Variants in NGLY1 observed in about 807,000 individuals in gnomAD.
NGLY1 encodes the protein peptide-N(4)-(N-acetyl-beta-glucosaminyl)asparagine amidase.
NGLY1 carries 68 observed loss-of-function variants against 84.6 expected under a neutral mutation model. That is an observed-to-expected ratio of 0.80 (90% confidence interval 0.66 to 0.98). NGLY1 has a LOEUF of 0.98. Among genes scored for constraint, NGLY1 ranks in the 50% least tolerant of loss-of-function variants. The pLI is 0.00. For synonymous variants in NGLY1, 280 were observed against 275.2 expected (o/e 1.02, Z -0.17); for missense variants, 779 against 770.2 (o/e 1.01, Z -0.14).
chr3:25,761,982 T>C (rs1339472991), intron 3 of NGLY1, among the ~76,000 whole-genome samples: 3 of 152,276 alleles, frequency 2.0e-5, no homozygotes, highest in East Asian at 3.9e-4. Context: ...TAACATAAAA[T>C]GTCCAGAAAA....
At position 25,721,559 on chromosome 3, in the gene NGLY1, C is replaced by G. The variant is rs187588632; in HGVS notation, c.1612-1368G>C. On this transcript the variant is annotated intron_variant, in intron 10 of 11. Transcript: ENST00000280700. ...ACGAGGTCAGGAGATCGAAACCATC[C>G]TAACACAGTGAAACCCTGCCTCTAC... Among the ~76,000 whole-genome samples the G allele has an allele frequency of 2.1e-3, 315 of 150,992 alleles. 2 individuals carry two copies. The highest frequency in any genetic ancestry group is 7.2e-3 in the African/African-American group (297 of 41,154).
chr3:25,734,099 C>G (rs1307417583), intron 7 of NGLY1, 117 bp from the exon 8 acceptor site: 2 of 1,398,450 alleles, frequency 1.4e-6, no homozygotes, highest in Non-Finnish European at 1.9e-6. Context: ...CGAAGTCTCG[C>G]TCTGTTGTCC....
chr3:25,736,178 G>A, intron 6 of NGLY1, 29 bp from the exon 7 acceptor site: 2 of 1,601,526 alleles, frequency 1.2e-6, no homozygotes, highest in Non-Finnish European at 8.5e-7. Flanking sequence ...AGAGAGCAAT[G>A]GAAAAAAGAC....
chr3:25,789,809 G>C, intron 1 of NGLY1: 1 of 1,535,988 alleles, frequency 6.5e-7, no homozygotes, highest in South Asian at 1.2e-5. Context: ...GGGAATATTT[G>C]GGCATTATCA....
chr3:25,757,544 G>GA (rs1707104522), intron 3 of NGLY1, among the ~76,000 whole-genome samples: 1 of 151,976 alleles, frequency 6.6e-6, no homozygotes, highest in African/African-American at 2.4e-5. Flanking sequence ...GAGCTTAAAA[G>GA]AAAAAAGACT....
At chr3:25,722,574 T>C (rs1000107184) in intron 10 of NGLY1, among the ~76,000 whole-genome samples, 15 of 152,206 alleles carry the variant, frequency 9.9e-5, no homozygotes, top group Non-Finnish European at 1.5e-4. Flanking sequence ...ATGTAACAAC[T>C]GAACAATCAC....
At chr3:25,726,033 CTGAA>C (rs2125453863) in intron 10 of NGLY1, among the ~76,000 whole-genome samples, 1 of 152,290 alleles carries the variant, frequency 6.6e-6, no homozygotes, top group African/African-American at 2.4e-5. Flanking sequence ...TTGCTGAGTG[CTGAA>C]TGAATTCTTG....
Position 25,772,100 on chromosome 3 carries a change from T to C in NGLY1, c.246+6474A>G, listed in dbSNP as rs188639337. On this transcript the variant is annotated intron_variant, in intron 2 of 11. Transcript: ENST00000280700. The stretch of plus-strand genomic sequence containing the variant: ...AGTGGTGAAAGTGGGCATCCTTGTC[T>C]TGTTCTGGTTCTTGGGGGAATGCTT... Among the ~76,000 whole-genome samples, 896 of 152,328 alleles carry C rather than the reference T, an allele frequency of 5.9e-3. 7 individuals carry two copies. The highest frequency in any genetic ancestry group is 9.8e-3 in the Non-Finnish European group (664 of 68,040).
chr3:25,730,667 C>T (rs754110486), intron 9 of NGLY1: 2 of 152,150 alleles, frequency 1.3e-5, no homozygotes, highest in Middle Eastern at 3.4e-3. Context: ...TATGGCTGAA[C>T]CAACACTTTT....
At chr3:25,742,313 T>A (rs905166841) in intron 4 of NGLY1, among the ~76,000 whole-genome samples, 3 of 152,154 alleles carry the variant, frequency 2.0e-5, no homozygotes, top group African/African-American at 7.2e-5. Context: ...GGAAACAACC[T>A]CTATGTCCAT....
rs1412126552 is a variant in NGLY1, at chr3:25,733,470, T to C, written c.1260+402A>G. ...TCAGAAATTTCCTCACATGGACGTG[T>C]GTGTGTGTGTGTGTGTGTGTGTGTG... On this transcript the variant is annotated intron_variant, in intron 8 of 11. Coordinates refer to ENST00000280700, the MANE Select transcript of NGLY1 (RefSeq NM_018297.4). Among the ~76,000 whole-genome samples the C allele has an allele frequency of 2.3e-3, 71 of 30,514 alleles. 1 individual carries two copies. The highest frequency in any genetic ancestry group is 6.9e-3 in the African/African-American group (64 of 9,228). 20.0% of individuals were successfully genotyped at this position (30,514 alleles called of 152,430 possible).
rs1708503573 is a variant in NGLY1 at position 25,783,243 on chromosome 3, ACCCCGT to A, written c.131+11_131+16del. The A allele has an allele frequency of 6.5e-7, 1 of 1,543,030 alleles. No homozygotes were observed. The highest frequency in any genetic ancestry group is 8.9e-7 in the Non-Finnish European group (1 of 1,122,922). On this transcript the variant is annotated intron_variant, in intron 1 of 11. Coordinates refer to ENST00000280700, the MANE Select transcript of NGLY1 (RefSeq NM_018297.4). The surrounding 1 kb of genome is among the most constrained non-coding windows in gnomAD (Gnocchi z 4.5). ...CACCCACCCCGGTACCCGCCGTCCG[ACCCCGT>A]TGCCCTGCACCTGAGGATGTTGTCA...
At chr3:25,722,274 C>CATATAT (rs1553650650) in intron 10 of NGLY1, among the ~76,000 whole-genome samples, 3,084 of 148,588 alleles carry the variant, frequency 0.021, 48 homozygotes, top group Non-Finnish European at 0.026. Context: ...TGTATACACA[C>CATATAT]ATATATATAT....
chr3:25,730,325 C>G (rs912336967), intron 9 of NGLY1: 1 of 151,974 alleles, frequency 6.6e-6, no homozygotes, highest in Non-Finnish European at 1.5e-5. Context: ...AAACAAACAT[C>G]CATTTCTAAA....
intron 9 of NGLY1, 40 bp downstream of exon 9, chr3:25,732,278 AG>A: frequency 6.3e-7 from 1 of 1,594,892 alleles, no homozygotes; most frequent in Non-Finnish European, 8.6e-7. Context: ...TATATGAAGC[AG>A]GAAAGTAAAA....
At chr3:25,744,351 C>T (rs1187837895) in intron 4 of NGLY1, among the ~76,000 whole-genome samples, 1 of 152,170 alleles carries the variant, frequency 6.6e-6, no homozygotes, top group Non-Finnish European at 1.5e-5. Flanking sequence ...GTCTACCAGG[C>T]CAAAGCTATC....
chr3:25,768,320 G>C (rs1254080479), intron 2 of NGLY1, among the ~76,000 whole-genome samples: 5 of 151,468 alleles, frequency 3.3e-5, no homozygotes, highest in Non-Finnish European at 1.5e-5. Context: ...CAGTTACTCG[G>C]AAGACTGAGG....
rs772075402 is a variant in NGLY1 at position 25,780,684 on chromosome 3, G to A, written c.132-1996C>T. Among the ~76,000 whole-genome samples the A allele has an allele frequency of 3.9e-5, 6 of 151,954 alleles. No homozygotes were observed. In the East Asian group the frequency reaches 1.2e-3, roughly 29 times the overall value. ...GTCACCCCGGCTAGAGTGCAATGAC[G>A]CCATCAAAGCTCATTGCTGCTTAGA... On this transcript the variant is annotated intron_variant, in intron 1 of 11. Transcript: ENST00000280700.
At chr3:25,785,887 C>T (rs184947593), upstream of NGLY1, among the ~76,000 whole-genome samples, 263 of 152,218 alleles carry the variant, frequency 1.7e-3, 2 homozygotes, top group African/African-American at 6.1e-3. Context: ...TCAACTAAAA[C>T]GCTATCTCAC....
Sources: gnomAD v4.1 joint callset for allele counts (sites outside exome capture counted in the v4.1 genomes callset) on GRCh38, gnomAD v4.1.1 for gene constraint, Gnocchi (gnomAD v3.1) non-coding constraint, MANE v1.5 for transcripts, NCBI Gene and HGNC (gene_info 2026-07-23, HGNC 2026-07-21) for gene names.